LRP2: variants seen among roughly 807,000 people sequenced by gnomAD.
LRP2 encodes the protein low-density lipoprotein receptor-related protein 2.
In LRP2, 172 loss-of-function variants were observed where a neutral mutation model predicts 531.0. The ratio of observed to expected loss-of-function variants is 0.32; its 90% CI spans 0.29 to 0.37. LRP2 has a LOEUF of 0.37. LRP2 is among the 10% of genes least tolerant of loss of function. The pLI, the probability that LRP2 is intolerant of heterozygous loss-of-function variation, is 1.00. For synonymous variants in LRP2, 1,992 were observed against 2,027.6 expected, an observed-to-expected ratio of 0.98 and a Z score of 0.47; for missense variants, 5,167 against 5,868.3, an observed-to-expected ratio of 0.88 and a Z score of 3.90.
At chr2:169,311,690 G>C (rs1684602296) in intron 3 of LRP2, among the ~76,000 whole-genome samples, 1 of 152,160 alleles carries the variant, frequency 6.6e-6, no homozygotes. Flanking sequence ...ATTTGGGGTG[G>C]AGAGTTCTGT....
At chr2:169,316,420 T>C (rs1161581297) in intron 3 of LRP2, among the ~76,000 whole-genome samples, 1 of 152,190 alleles carries the variant, frequency 6.6e-6, no homozygotes, top group African/African-American at 2.4e-5. Flanking sequence ...TGAAATATGT[T>C]TCACAAATTC....
In LRP2 at chr2:169,238,253, G is replaced by C. The variant is rs35297090; in HGVS notation, c.4344C>G (p.Ala1448=). 3.2e-3 allele frequency: 5,162 copies of C among 1,614,020 alleles called. 129 individuals carry two copies. The African/African-American group carries it at 0.061, about 19-fold the overall frequency. ...LLVASQNKII[A]DSVTSQVHNI... The stretch of plus-strand genomic sequence containing the variant: ...TGTGGACCTGGGAGGTGACACTGTC[G>C]GCAATAATTTTGTTCTGACTTGCCA... The change falls in exon 27 of 79, where the codon GCC becomes GCG. Residue 1448 remains alanine (A), a synonymous_variant. Coordinates refer to ENST00000649046, the MANE Select transcript of LRP2 (RefSeq NM_004525.3).
intron 42 of LRP2, 113 bp downstream of exon 42, chr2:169,203,869 C>T: frequency 8.7e-7 from 1 of 1,146,388 alleles, no homozygotes; most frequent in Non-Finnish European, 1.3e-6. Context: ...ATAAATTACC[C>T]TGACATCAAG....
intron 1 of LRP2, among the ~76,000 whole-genome samples, chr2:169,341,821 A>C (rs529374955): frequency 6.6e-6 from 1 of 152,294 alleles, no homozygotes; most frequent in East Asian, 1.9e-4. Flanking sequence ...AGCTATGGTG[A>C]CTATATATCA....
At chr2:169,327,818 G>T (rs1310060570) in intron 1 of LRP2, among the ~76,000 whole-genome samples, 2 of 68,904 alleles carry the variant, frequency 2.9e-5, no homozygotes, top group Non-Finnish European at 5.5e-5. Context: ...GCCTCTGCCC[G>T]GCCGCCCCTA....
At chr2:169,228,417 G>A (rs950591754) in intron 31 of LRP2, among the ~76,000 whole-genome samples, 6 of 151,848 alleles carry the variant, frequency 4.0e-5, no homozygotes, top group African/African-American at 1.5e-4. Context: ...ATGTTCACTG[G>A]CTCAGTAGAA....
chr2:169,156,145 G>A, intron 65 of LRP2, 129 bp downstream of exon 65: 2 of 1,248,566 alleles, frequency 1.6e-6, no homozygotes, highest in Non-Finnish European at 2.3e-6. Context: ...AAGAGAAGCA[G>A]CTGGCGAGTT....
chr2:169,284,197 A>G (rs1160327161), intron 9 of LRP2, among the ~76,000 whole-genome samples: 1 of 147,626 alleles, frequency 6.8e-6, no homozygotes, highest in Non-Finnish European at 1.5e-5. Flanking sequence ...GTGGCCCACC[A>G]TTCCATAACC....
At chr2:169,290,201 G>A (rs1297841710) in intron 8 of LRP2, among the ~76,000 whole-genome samples, 1 of 146,614 alleles carries the variant, frequency 6.8e-6, no homozygotes, top group Non-Finnish European at 1.5e-5. Context: ...ACAACACTGT[G>A]CATGGCCAAC....
intron 41 of LRP2, 144 bp from the exon 42 acceptor site, chr2:169,204,415 T>A: frequency 2.6e-6 from 2 of 771,222 alleles, no homozygotes; most frequent in Non-Finnish European, 4.4e-6. Flanking sequence ...GCTGGAAATG[T>A]TTCTTCTGGT....
intron 1 of LRP2, among the ~76,000 whole-genome samples, chr2:169,356,580 C>G (rs934373111): frequency 6.6e-6 from 1 of 152,178 alleles, no homozygotes; most frequent in African/African-American, 2.4e-5. Context: ...ACTGGATTTC[C>G]CAGATAATAA....
At chr2:169,266,646 G>C (rs1690813022) in intron 16 of LRP2, among the ~76,000 whole-genome samples, 1 of 152,020 alleles carries the variant, frequency 6.6e-6, no homozygotes. Flanking sequence ...TAGCTCCTAA[G>C]CTGGCTCTCT....
Position 169,267,748 on chromosome 2 carries a change from C to T in LRP2, c.2320+3156G>A, listed in dbSNP as rs1683260922. On this transcript the variant is annotated intron_variant, in intron 16 of 78. Coordinates refer to ENST00000649046, the MANE Select transcript of LRP2 (RefSeq NM_004525.3). ...AAAGCTAACGGAAGGCAAGAAATAA[C>T]TAAGATCATAGCAGAACTGAAGGAG... is the stretch of plus-strand genomic sequence containing the variant. Among the ~76,000 whole-genome samples the T allele has an allele frequency of 2.6e-5, 4 of 152,092 alleles. No individual in the cohort carries two copies. In the South Asian group the frequency reaches 8.3e-4, roughly 32 times the overall value.
chr2:169,357,071 A>T (rs1474750755), intron 1 of LRP2, among the ~76,000 whole-genome samples: 1 of 152,120 alleles, frequency 6.6e-6, no homozygotes, highest in Non-Finnish European at 1.5e-5. Flanking sequence ...TTAATTACTC[A>T]AGACTATAAA....
intron 27 of LRP2, among the ~76,000 whole-genome samples, chr2:169,237,701 A>G (rs1689656168): frequency 6.6e-6 from 1 of 152,238 alleles, no homozygotes; most frequent in Admixed American, 6.5e-5. Context: ...TGTAACTATC[A>G]GGAGCCAAGA....
chr2:169,285,078 G>T (rs1215133090), intron 9 of LRP2, among the ~76,000 whole-genome samples: 1 of 151,934 alleles, frequency 6.6e-6, no homozygotes, highest in East Asian at 1.9e-4. Context: ...GGAGGGTAAG[G>T]TGGGAGGATT....
rs138903794 is a variant in LRP2, at chr2:169,204,061, A to G, written c.7926T>C (p.Thr2642=). The part of the protein sequence containing the change: ...NLLSQPRGIN[T]VVKNQKQQCN... ...ACTGTTGTTTCTGGTTCTTCACAAC[A>G]GTGTTGATTCCCCTGGGCTGGGAGA... is the stretch of plus-strand genomic sequence containing the variant. The change falls in exon 42 of 79, where the codon ACT becomes ACC. Residue 2642 remains threonine (T), a synonymous_variant. Transcript: ENST00000649046. 1.2e-6 allele frequency: 2 copies of G among 1,614,208 alleles called. No individual in the cohort carries two copies. Among genetic ancestry groups the G allele is most frequent in the Non-Finnish European group, 1.7e-6 (2 of 1,180,016 alleles).
intron 42 of LRP2, among the ~76,000 whole-genome samples, chr2:169,203,251 T>G (rs575238702): frequency 6.6e-6 from 1 of 152,240 alleles, no homozygotes; most frequent in African/African-American, 2.4e-5. Flanking sequence ...TTCCCGTGAA[T>G]TTGTTGTTCT....
intron 2 of LRP2, 97 bp from the exon 3 acceptor site, chr2:169,318,981 T>G: frequency 6.7e-7 from 1 of 1,485,440 alleles, no homozygotes; most frequent in Non-Finnish European, 9.3e-7. Context: ...TGTAAACTCC[T>G]GCTCAATTTA....
Sources: gnomAD v4.1 joint callset for allele counts (sites outside exome capture counted in the v4.1 genomes callset) on GRCh38, gnomAD v4.1.1 for gene constraint, MANE v1.5 for transcripts, NCBI Gene and HGNC (gene_info 2026-07-23, HGNC 2026-07-21) for gene names.